PKIB: variants seen among roughly 807,000 people sequenced by gnomAD.
PKIB encodes PKI-beta.
PKIB carries 2 observed loss-of-function variants against 4.5 expected under a neutral mutation model. The ratio of observed to expected loss-of-function variants is 0.44; its 90% CI spans 0.18 to 1.39. The LOEUF is 1.39. Among genes scored for constraint, PKIB ranks in the 40% most tolerant of loss-of-function variants. The pLI is 0.27. For missense variants in PKIB, 94 were observed against 92.6 expected, an observed-to-expected ratio of 1.02 and a Z score of -0.06; for synonymous variants, 38 against 36.0, an observed-to-expected ratio of 1.06 and a Z score of -0.20.
chr6:122,712,838 T>C (rs1779327861), intron 3 of PKIB, among the ~76,000 whole-genome samples: 1 of 152,144 alleles, frequency 6.6e-6, no homozygotes, highest in Non-Finnish European at 1.5e-5. Context: ...TGTGTTTGAA[T>C]TAAGAAAATG....
At chr6:122,522,157 A>T (rs1295037089) in intron 2 of PKIB, among the ~76,000 whole-genome samples, 4 of 152,256 alleles carry the variant, frequency 2.6e-5, no homozygotes. Context: ...GCAAAAAAAA[A>T]ACATAAAGCG....
At chr6:122,592,025 T>G (rs899830944) in intron 3 of PKIB, among the ~76,000 whole-genome samples, 1 of 152,004 alleles carries the variant, frequency 6.6e-6, no homozygotes, top group Non-Finnish European at 1.5e-5. Flanking sequence ...TTCCCTTTTT[T>G]TTTTTTAACC....
At chr6:122,480,378 C>T (rs1382084602) in intron 2 of PKIB, 1 of 152,132 alleles carries the variant, frequency 6.6e-6, no homozygotes, top group African/African-American at 2.4e-5. Flanking sequence ...CTAACCTACA[C>T]TTAGTATATC....
chr6:122,504,732 C>T (rs1053182722), intron 2 of PKIB, among the ~76,000 whole-genome samples: 2 of 152,074 alleles, frequency 1.3e-5, no homozygotes, highest in African/African-American at 4.8e-5. Flanking sequence ...TATAGACATC[C>T]TTATATAGTT....
chr6:122,604,918 G>T (rs2114746723), intron 3 of PKIB, among the ~76,000 whole-genome samples: 1 of 152,312 alleles, frequency 6.6e-6, no homozygotes, highest in African/African-American at 2.4e-5. Context: ...ATACTGAAAA[G>T]AAATCAGTCT....
chr6:122,547,263 G>A (rs1772523507), intron 2 of PKIB, among the ~76,000 whole-genome samples: 1 of 151,602 alleles, frequency 6.6e-6, no homozygotes, highest in Non-Finnish European at 1.5e-5. Context: ...GGAGATAGCT[G>A]AAAGAATACT....
At chr6:122,604,506 T>A (rs1344043891) in intron 3 of PKIB, among the ~76,000 whole-genome samples, 1 of 152,092 alleles carries the variant, frequency 6.6e-6, no homozygotes, top group Admixed American at 6.5e-5. Context: ...AAAAAAGAGG[T>A]CACATGGAGT....
intron 3 of PKIB, among the ~76,000 whole-genome samples, chr6:122,589,354 A>T (rs999732043): frequency 6.6e-6 from 1 of 152,166 alleles, no homozygotes; most frequent in Non-Finnish European, 1.5e-5. Context: ...TACAACACAT[A>T]GCCATGTAAA....
intron 2 of PKIB, among the ~76,000 whole-genome samples, chr6:122,568,495 A>G (rs1773257913): frequency 6.6e-6 from 1 of 152,170 alleles, no homozygotes. Context: ...CCTTACCCAG[A>G]GCTGGAACAA....
intron 3 of PKIB, among the ~76,000 whole-genome samples, chr6:122,706,179 G>T (rs1779050381): frequency 6.6e-6 from 1 of 152,072 alleles, no homozygotes; most frequent in South Asian, 2.1e-4. Flanking sequence ...CTCTGTGTGT[G>T]TTCTACAGCC....
At chr6:122,711,448 T>C (rs1032217150) in intron 3 of PKIB, among the ~76,000 whole-genome samples, 2 of 152,168 alleles carry the variant, frequency 1.3e-5, no homozygotes, top group Non-Finnish European at 2.9e-5. Context: ...TCTTTTCAAA[T>C]GTAATATCCT....
In PKIB at chr6:122,622,832, G is replaced by T. The variant is rs572699497; in HGVS notation, c.-160-10451G>T. ...AGAAGATAACTTATGTTCTCTGAAC[G>T]TGCAAGTGATTTATGGAATTATTGA... On this transcript the variant is annotated intron_variant, in intron 1 of 4. Coordinates refer to ENST00000368452, the MANE Select transcript of PKIB (RefSeq NM_181795.3). 8.7e-5 allele frequency among the ~76,000 whole-genome samples: 13 copies of T among 149,490 alleles called. No homozygotes were observed. The South Asian group carries it at 2.7e-3, about 31-fold the overall frequency.
intron 3 of PKIB, among the ~76,000 whole-genome samples, chr6:122,712,241 T>G (rs1471013361): frequency 1.3e-5 from 2 of 152,182 alleles, no homozygotes. Context: ...GACTCTGGGT[T>G]CCTCTTTGTA....
intron 3 of PKIB, among the ~76,000 whole-genome samples, chr6:122,695,431 A>G (rs1044846216): frequency 2.6e-5 from 4 of 151,482 alleles, no homozygotes; most frequent in Admixed American, 6.6e-5. Flanking sequence ...AACAAAAAAT[A>G]AGTTTTTTCA....
chr6:122,601,414 T>A (rs972489454), intron 3 of PKIB, among the ~76,000 whole-genome samples: 1 of 152,302 alleles, frequency 6.6e-6, no homozygotes, highest in African/African-American at 2.4e-5. Context: ...GCAACTTTTT[T>A]AAAGTATTGG....
intron 1 of PKIB, among the ~76,000 whole-genome samples, chr6:122,612,389 C>A (rs942513170): frequency 6.6e-6 from 1 of 151,988 alleles, no homozygotes; most frequent in African/African-American, 2.4e-5. Context: ...ATTGTAAAAC[C>A]ATTACCATAT....
At chr6:122,646,395 G>C (rs1018845466) in intron 2 of PKIB, among the ~76,000 whole-genome samples, 3 of 152,120 alleles carry the variant, frequency 2.0e-5, no homozygotes, top group African/African-American at 7.2e-5. Flanking sequence ...TTTTGCTTGA[G>C]TCTTAGCATT....
chr6:122,726,011 T>A lies in PKIB; in HGVS notation c.*816T>A, dbSNP rs1779938968. 6.6e-6 allele frequency: 1 copy of A among 152,190 alleles called. No individual in the cohort carries two copies. The highest frequency in any genetic ancestry group is 2.1e-4 in the South Asian group (1 of 4,838). The allele number at this position is 152,190 out of a possible 1,614,324, so 9.4% of individuals were successfully genotyped here. On this transcript the variant is annotated 3_prime_UTR_variant, in exon 5 of 5. Coordinates refer to ENST00000368452, the MANE Select transcript of PKIB (RefSeq NM_181795.3). Reference sequence around the variant, plus strand: ...TGTGTATGTCTGACTTGTTTTTAAATAACTTCCTCAGCAATGCAGACCTTA... The same window carrying A: ...TGTGTATGTCTGACTTGTTTTTAAAAAACTTCCTCAGCAATGCAGACCTTA...
chr6:122,718,634 T>A (rs1218823325), intron 4 of PKIB, among the ~76,000 whole-genome samples: 2 of 152,194 alleles, frequency 1.3e-5, no homozygotes, highest in Non-Finnish European at 2.9e-5. Context: ...TACTCACGTT[T>A]TGTGCCCCAT....
Sources: allele counts gnomAD v4.1 joint callset (sites outside exome capture counted in the v4.1 genomes callset), GRCh38; gene constraint gnomAD v4.1.1; transcripts MANE v1.5; gene names NCBI Gene and HGNC (gene_info 2026-07-23, HGNC 2026-07-21).